The following ELN variants were observed in gnomAD, a reference collection of about 807,000 sequenced individuals.
ELN encodes the protein elastin.
A neutral mutation model predicts 105.8 loss-of-function variants in ELN; 65 were observed. The observed-to-expected ratio is 0.61, with a 90% CI of 0.50 to 0.75. ELN has a LOEUF of 0.75. ELN is among the 30% of genes least tolerant of loss of function. The pLI is 0.00. For synonymous variants in ELN, 368 were observed against 389.2 expected, an observed-to-expected ratio of 0.95 and a Z score of 0.64; for missense variants, 882 against 969.4, an observed-to-expected ratio of 0.91 and a Z score of 1.20.
In ELN at chr7:74,053,320, CTGTGTGTGTG is replaced by C. The variant is rs10579871; in HGVS notation, c.1096+41_1096+50del. On this transcript the variant is annotated intron_variant, in intron 18 of 32. Transcript: ENST00000252034. The stretch of plus-strand genomic sequence containing the variant: ...GTGCTGCGGTTCCAGGTGAGCTGGG[CTGTGTGTGTG>C]TGTGTGTGTGTGTGTGTGTGTGTGT... 1.4e-4 allele frequency: 219 copies of C among 1,562,560 alleles called. No individual in the cohort carries two copies. Among genetic ancestry groups the C allele is most frequent in the African/African-American group, 8.7e-4 (62 of 71,124 alleles).
chr7:74,063,710 G>A lies in ELN; in HGVS notation c.1993+15G>A. 1 of 1,614,164 alleles carries A rather than the reference G, an allele frequency of 6.2e-7. No homozygotes were observed. Among genetic ancestry groups the A allele is most frequent in the Non-Finnish European group, 8.5e-7 (1 of 1,180,026 alleles). On this transcript the variant is annotated intron_variant, in intron 29 of 32. Coordinates refer to ENST00000252034, the MANE Select transcript of ELN (RefSeq NM_000501.4). The surrounding 1 kb of genome is among the most constrained non-coding windows in gnomAD (Gnocchi z 4.1). Reference sequence around the variant, plus strand: ...GGGCCTTGGAGGTGAGAGTTGTTCTGAAATCAGTGAGTGTGTGTGGTGTGT... The same window carrying A: ...GGGCCTTGGAGGTGAGAGTTGTTCTAAAATCAGTGAGTGTGTGTGGTGTGT...
chr7:74,065,831 C>T lies in ELN; in HGVS notation c.2032+99C>T, dbSNP rs117450561. ...CCAGCTCAGGCCTCCCTCTGGCTCC[C>T]CCTACCCCTGAAGATCTTGTCTGGG... On this transcript the variant is annotated intron_variant, in intron 30 of 32. Transcript: ENST00000252034. The T allele has an allele frequency of 1.3e-3, 2,044 of 1,610,802 alleles. 35 individuals are homozygous for T. In the East Asian group the frequency reaches 0.04, roughly 31 times the overall value.
intron 4 of ELN, among the ~76,000 whole-genome samples, chr7:74,039,912 G>A (rs902734990): frequency 1.3e-5 from 2 of 152,234 alleles, no homozygotes; most frequent in East Asian, 3.9e-4. Context: ...AGAACTCTCT[G>A]ACTCTAGAAA....
intron 13 of ELN, 122 bp downstream of exon 13, chr7:74,047,838 T>C (rs1583815704): frequency 2.8e-6 from 4 of 1,405,930 alleles, no homozygotes; most frequent in Non-Finnish European, 3.0e-6. Context: ...GTTGGGGTCT[T>C]GGAGTGGGAA....
chr7:74,064,221 C>T (rs533473569), intron 29 of ELN, among the ~76,000 whole-genome samples: 10 of 151,354 alleles, frequency 6.6e-5, no homozygotes, highest in Non-Finnish European at 4.4e-5. Context: ...CAAGACCATC[C>T]TGGCTAACAC....
chr7:74,047,639 G>C lies in ELN; in HGVS notation c.644-36G>C, dbSNP rs41476152. The C allele has an allele frequency of 1.9e-6, 3 of 1,614,040 alleles. No homozygotes were observed. In the Admixed American group the frequency reaches 5.0e-5, roughly 27 times the overall value. On this transcript the variant is annotated intron_variant, in intron 12 of 32. Transcript: ENST00000252034. ...GGTTGGTGGGAGCCCAGCAAGGCAT[G>C]GGGCAGCCCCTGAGTTTGCTCTGTC... is the stretch of plus-strand genomic sequence containing the variant.
chr7:74,062,844 C>T (rs1250054406), intron 26 of ELN, among the ~76,000 whole-genome samples: 1 of 152,198 alleles, frequency 6.6e-6, no homozygotes, highest in Non-Finnish European at 1.5e-5. Context: ...AGCCACCGCA[C>T]CCGGCTTACA....
intron 17 of ELN, 94 bp from the exon 18 acceptor site, chr7:74,053,069 C>T (rs533244314): frequency 5.0e-6 from 8 of 1,586,632 alleles, no homozygotes; most frequent in Non-Finnish European, 6.0e-6. Flanking sequence ...ATCCTGCATT[C>T]AGGACCAACT....
Position 74,068,819 on chromosome 7 carries a change from G to C in ELN, c.*119G>C, listed in dbSNP as rs1477214426. The C allele has an allele frequency of 3.8e-6, 5 of 1,304,156 alleles. No homozygotes were observed. The highest frequency in any genetic ancestry group is 4.4e-6 in the Non-Finnish European group (4 of 907,458). The allele number at this position is 1,304,156 out of a possible 1,614,324, so 80.8% of individuals were successfully genotyped here. On this transcript the variant is annotated 3_prime_UTR_variant, in exon 33 of 33. Transcript: ENST00000252034. ...CCGACTCCCCACCCCAGGAGGGAACGGGCAGGCCGGGCGGCCTTGCAGATC... is the reference window on the plus strand; with the variant it reads ...CCGACTCCCCACCCCAGGAGGGAACCGGCAGGCCGGGCGGCCTTGCAGATC...
At chr7:74,046,658 G>C (rs782419528) in intron 11 of ELN, 38 bp from the exon 12 acceptor site, 2 of 1,610,726 alleles carry the variant, frequency 1.2e-6, no homozygotes, top group East Asian at 4.5e-5. Flanking sequence ...TTTGGAAGGG[G>C]GTGCTGGGAC....
At position 74,047,566 on chromosome 7, in the gene ELN, T is replaced by C. The variant is rs28637114; in HGVS notation, c.644-109T>C. ...CTGGGAGCAGCTCAGGACCCTGATG[T>C]GGGAGGTCTCAAGCTTTAGCACCTG... On this transcript the variant is annotated intron_variant, in intron 12 of 32. Transcript: ENST00000252034. 2.1e-6 allele frequency: 3 copies of C among 1,460,684 alleles called. No homozygotes were observed. In the South Asian group the frequency reaches 3.4e-5, roughly 17 times the overall value. 90.5% of individuals were successfully genotyped at this position (1,460,684 alleles called of 1,614,324 possible).
intron 6 of ELN, 57 bp downstream of exon 6, chr7:74,042,763 G>A (rs530140553): frequency 6.3e-5 from 100 of 1,595,944 alleles, no homozygotes; most frequent in Middle Eastern, 3.3e-4. Context: ...GGGGCCCTCC[G>A]CTTTGCAAAG....
Position 74,037,688 on chromosome 7 carries a change from T to C in ELN, c.164-19T>C, listed in dbSNP as rs1554666489. The C allele has an allele frequency of 6.2e-7, 1 of 1,610,702 alleles. No individual in the cohort carries two copies. The highest frequency in any genetic ancestry group is 1.3e-5 in the African/African-American group (1 of 74,884). ...ATAAGCTGGGCCACCCCATTCACTATCTTCTCTTCCCTCTGCAGCGCTGGG... is the reference window on the plus strand; with the variant it reads ...ATAAGCTGGGCCACCCCATTCACTACCTTCTCTTCCCTCTGCAGCGCTGGG... On this transcript the variant is annotated intron_variant, in intron 3 of 32. Coordinates refer to ENST00000252034, the MANE Select transcript of ELN (RefSeq NM_000501.4).
At chr7:74,066,441 C>T (rs2132689493) in intron 31 of ELN, among the ~76,000 whole-genome samples, 1 of 152,224 alleles carries the variant, frequency 6.6e-6, no homozygotes, top group Admixed American at 6.5e-5. Context: ...GTGGTGGACG[C>T]CTGTAATCCC....
chr7:74,058,096 CCTT>C (rs1795732137), intron 22 of ELN, among the ~76,000 whole-genome samples: 1 of 150,138 alleles, frequency 6.7e-6, no homozygotes, highest in Non-Finnish European at 1.5e-5. Context: ...TCCTCCTTCT[CCTT>C]CTCCCTCCTC....
rs1404210873 is a variant in ELN at position 74,069,269 on chromosome 7, G to A, written c.*569G>A. On this transcript the variant is annotated 3_prime_UTR_variant, in exon 33 of 33. Transcript: ENST00000252034. ...CACCGATCGCTGTTCCCCACATCTG[G>A]GGCGCTTTTGGGTTGGAAAACCACC... 1 of 238,432 alleles carries A rather than the reference G, an allele frequency of 4.2e-6. No homozygotes were observed. The highest frequency in any genetic ancestry group is 6.0e-5 in the East Asian group (1 of 16,736). 14.8% of individuals were successfully genotyped at this position (238,432 alleles called of 1,614,324 possible).
In ELN at chr7:74,060,381, G is replaced by A; in HGVS notation, c.1627G>A (p.Ala543Thr). 1 of 1,614,168 alleles carries A rather than the reference G, an allele frequency of 6.2e-7. No individual in the cohort carries two copies. Among genetic ancestry groups the A allele is most frequent in the South Asian group, 1.1e-5 (1 of 91,086 alleles). Residue 543 changes from alanine (A) to threonine (T), a missense_variant, in exon 25 of 33, where the codon GCA becomes ACA. By Grantham distance (58) the Ala-to-Thr change is moderately conservative. Coordinates refer to ENST00000252034, the MANE Select transcript of ELN (RefSeq NM_000501.4). ...CCACTGCCCTCTGTCTGCAGGAGCT[G>A]CAGCTGGGCTTGGTGCTGGCATCCC... Reference protein sequence around the residue: ...KVAAKAQLRAAAGLGAGIPGL... With the variant: ...KVAAKAQLRATAGLGAGIPGL...
At chr7:74,048,786 C>CATCCATCCATCCAT (rs1554674182) in intron 15 of ELN, among the ~76,000 whole-genome samples, 1 of 151,920 alleles carries the variant, frequency 6.6e-6, no homozygotes, top group Non-Finnish European at 1.5e-5. Context: ...TCCATCCATT[C>CATCCATCCATCCAT]CCATTCCTCC....
intron 15 of ELN, among the ~76,000 whole-genome samples, chr7:74,049,261 T>C (rs1554674477): frequency 6.6e-6 from 1 of 151,164 alleles, no homozygotes; most frequent in Admixed American, 6.6e-5. Context: ...TATCCATCCA[T>C]CCATCCACTT....
Sources: gnomAD v4.1 joint callset for allele counts (sites outside exome capture counted in the v4.1 genomes callset) on GRCh38, gnomAD v4.1.1 for gene constraint, Gnocchi (gnomAD v3.1) non-coding constraint, MANE v1.5 for transcripts, NCBI Gene and HGNC (gene_info 2026-07-23, HGNC 2026-07-21) for gene names.